Variants in PPEF1 observed in about 807,000 individuals in gnomAD.
The protein encoded by PPEF1 is serine/threonine-protein phosphatase with EF-hands 1.
A neutral mutation model predicts 53.3 loss-of-function variants in PPEF1; 12 were observed. The observed-to-expected ratio is 0.23, with a 90% CI of 0.14 to 0.36. The LOEUF (loss-of-function observed/expected upper bound fraction) is 0.36, where lower values mean the gene tolerates loss of function less well. Among genes scored for constraint, PPEF1 ranks in the 10% least tolerant of loss-of-function variants. PPEF1 has a pLI of 1.00. For missense variants in PPEF1, 334 were observed against 490.4 expected, an observed-to-expected ratio of 0.68 and a Z score of 3.01; for synonymous variants, 165 against 176.7, an observed-to-expected ratio of 0.93 and a Z score of 0.52.
chrX:18,758,033 C>T (rs1179941261), intron 5 of PPEF1, among the ~76,000 whole-genome samples: 2 of 111,006 alleles, frequency 1.8e-5, no homozygotes, highest in Non-Finnish European at 3.8e-5. Context: ...CTCCGTCTAG[C>T]TCTCATTATC....
At chrX:18,685,271 A>G (rs1313997041) in intron 2 of PPEF1, among the ~76,000 whole-genome samples, 1 of 112,472 alleles carries the variant, frequency 8.9e-6, no homozygotes, top group Non-Finnish European at 1.9e-5. Context: ...TTTTGGATAC[A>G]ATTTGGGTAG....
chrX:18,765,202 A>G (rs1404696975), intron 6 of PPEF1, among the ~76,000 whole-genome samples: 2 of 111,769 alleles, frequency 1.8e-5, no homozygotes, highest in Non-Finnish European at 3.8e-5. Context: ...AGAAGTGTGC[A>G]AGAGCCATGG....
chrX:18,712,631 C>T (rs985229277), intron 1 of PPEF1, among the ~76,000 whole-genome samples: 1 of 111,650 alleles, frequency 9.0e-6, no homozygotes, highest in African/African-American at 3.3e-5. Context: ...GTTTCATTTT[C>T]TTGCCTCCAC....
intron 4 of PPEF1, among the ~76,000 whole-genome samples, chrX:18,694,932 T>G (rs1290888318): frequency 8.9e-6 from 1 of 112,343 alleles, no homozygotes; most frequent in Non-Finnish European, 1.9e-5. Context: ...TTCAGAGTCC[T>G]CATGTTACTT....
At chrX:18,801,759 G>A in intron 10 of PPEF1, among the ~76,000 whole-genome samples, 1 of 110,639 alleles carries the variant, frequency 9.0e-6, no homozygotes, top group East Asian at 2.9e-4. Flanking sequence ...GAGGTGGGTC[G>A]ATCACCTGAG....
At chrX:18,782,786 G>C (rs1184631641) in intron 8 of PPEF1, among the ~76,000 whole-genome samples, 2 of 110,868 alleles carry the variant, frequency 1.8e-5, no homozygotes, top group African/African-American at 6.6e-5. Flanking sequence ...GCCACTCTGG[G>C]AGACCGCGTG....
In PPEF1 at chrX:18,752,915, G is replaced by A. The variant is rs756984819; in HGVS notation, c.396+2963G>A. Reference sequence around the variant, plus strand: ...GTATTTGGTTTGCTGGTATTATGTTGAGAATTTTTGCATCTATTTCATAAG... The same window carrying A: ...GTATTTGGTTTGCTGGTATTATGTTAAGAATTTTTGCATCTATTTCATAAG... On this transcript the variant is annotated intron_variant, in intron 4 of 15. Coordinates refer to ENST00000470157, the MANE Select transcript of PPEF1 (RefSeq NM_001377996.1). Among the ~76,000 whole-genome samples the A allele has an allele frequency of 5.4e-5, 6 of 111,266 alleles. 1 individual carries two copies. In the Admixed American group the frequency reaches 5.7e-4, roughly 11 times the overall value.
At chrX:18,819,408 C>T (rs765071383) in intron 13 of PPEF1, among the ~76,000 whole-genome samples, 12 of 111,987 alleles carry the variant, frequency 1.1e-4, no homozygotes, top group Non-Finnish European at 1.9e-4. Context: ...ACAGGCCAGG[C>T]GCAGTGGCTC....
intron 10 of PPEF1, among the ~76,000 whole-genome samples, chrX:18,793,896 C>T (rs2046373320): frequency 9.0e-6 from 1 of 111,564 alleles, no homozygotes; most frequent in Non-Finnish European, 1.9e-5. Flanking sequence ...TGTCACTCTT[C>T]ACAGAGTGCT....
intron 1 of PPEF1, among the ~76,000 whole-genome samples, chrX:18,710,998 G>GTA (rs1319299872): frequency 9.2e-6 from 1 of 108,889 alleles, no homozygotes; most frequent in African/African-American, 3.4e-5. Context: ...GTGTGTGTGT[G>GTA]TATATATGTG....
intron 1 of PPEF1, among the ~76,000 whole-genome samples, chrX:18,728,092 T>A (rs2044748776): frequency 9.0e-6 from 1 of 110,544 alleles, no homozygotes; most frequent in Non-Finnish European, 1.9e-5. Context: ...GGTCAGAGGC[T>A]GCCCCTGAGG....
chrX:18,826,417 CTTTTTTTTTTTTTTTT>C (rs58697941), intron 15 of PPEF1, among the ~76,000 whole-genome samples: 1 of 24,626 alleles, frequency 4.1e-5, no homozygotes, highest in Non-Finnish European at 6.5e-5. Flanking sequence ...TCATTTTCTG[CTTTTTTTTTTTTTTTT>C]TTTTTTTTTT....
chrX:18,745,523 G>A (rs1314958506), intron 3 of PPEF1, among the ~76,000 whole-genome samples: 1 of 109,560 alleles, frequency 9.1e-6, no homozygotes, highest in Non-Finnish European at 1.9e-5. Flanking sequence ...TGATTTTCTT[G>A]GGTGTAGGTA....
At chrX:18,758,096 G>A (rs1327463103) in intron 5 of PPEF1, among the ~76,000 whole-genome samples, 2 of 111,694 alleles carry the variant, frequency 1.8e-5, no homozygotes, top group Admixed American at 9.5e-5. Flanking sequence ...CTTGTGCTGG[G>A]AAGAGAAAAG....
At chrX:18,713,099 G>C (rs2044364778) in intron 1 of PPEF1, among the ~76,000 whole-genome samples, 1 of 111,501 alleles carries the variant, frequency 9.0e-6, no homozygotes, top group Non-Finnish European at 1.9e-5. Flanking sequence ...TGATATCTTT[G>C]TCTGATTTAA....
At chrX:18,757,526 G>A (rs1021789226) in intron 4 of PPEF1, 101 bp from the exon 5 acceptor site, 27 of 564,082 alleles carry the variant, frequency 4.8e-5, no homozygotes, top group East Asian at 1.0e-4. Flanking sequence ...GAAATACAGC[G>A]ACCTGAAACG....
chrX:18,683,091 A>C (rs1928939296), intron 1 of PPEF1, among the ~76,000 whole-genome samples: 1 of 111,618 alleles, frequency 9.0e-6, no homozygotes, highest in Non-Finnish European at 1.9e-5. Context: ...CAGCATGGGA[A>C]AGACCTGCCC....
intron 3 of PPEF1, among the ~76,000 whole-genome samples, chrX:18,739,646 C>G (rs926567660): frequency 4.5e-5 from 5 of 112,064 alleles, no homozygotes; most frequent in African/African-American, 1.3e-4. Flanking sequence ...GGGAGAACCA[C>G]TACTCTCTTC....
chrX:18,743,000 G>A (rs1205511956), intron 3 of PPEF1, among the ~76,000 whole-genome samples: 1 of 112,409 alleles, frequency 8.9e-6, no homozygotes, highest in East Asian at 2.8e-4. Flanking sequence ...CTAGAACTCT[G>A]GGAAATCAGT....
Sources: gnomAD v4.1 joint callset for allele counts (sites outside exome capture counted in the v4.1 genomes callset) on GRCh38, gnomAD v4.1.1 for gene constraint, MANE v1.5 for transcripts, NCBI Gene and HGNC (gene_info 2026-07-23, HGNC 2026-07-21) for gene names.